The following PTPRD variants were observed in gnomAD, a reference collection of about 807,000 sequenced individuals.
The protein encoded by PTPRD is receptor-type tyrosine-protein phosphatase delta.
In PTPRD, 34 loss-of-function variants were observed where a neutral mutation model predicts 214.5. The observed-to-expected ratio is 0.16, with a 90% CI of 0.12 to 0.21. The LOEUF is 0.21. PTPRD is among the 10% of genes least tolerant of loss of function. The pLI is 1.00. For missense variants in PTPRD, 2,545 were observed against 2,398.7 expected, an observed-to-expected ratio of 1.06 and a Z score of -1.27; for synonymous variants, 1,128 against 845.7, an observed-to-expected ratio of 1.33 and a Z score of -5.79.
intron 6 of PTPRD, among the ~76,000 whole-genome samples, chr9:9,743,462 G>T (rs115354405): frequency 2.4e-3 from 369 of 152,106 alleles, no homozygotes; most frequent in African/African-American, 8.6e-3. Context: ...TTCCTATGAA[G>T]GCACCTAGGT....
At chr9:8,512,154 G>A (rs1173735402) in intron 21 of PTPRD, among the ~76,000 whole-genome samples, 1 of 152,024 alleles carries the variant, frequency 6.6e-6, no homozygotes, top group Non-Finnish European at 1.5e-5. Context: ...GTTTTAAAAT[G>A]TGTGTATCTA....
chr9:8,619,703 C>A (rs956323872), intron 14 of PTPRD, among the ~76,000 whole-genome samples: 2 of 151,808 alleles, frequency 1.3e-5, no homozygotes, highest in African/African-American at 2.4e-5. Flanking sequence ...AGGACGATGA[C>A]TAAATAAATC....
intron 4 of PTPRD, among the ~76,000 whole-genome samples, chr9:9,964,498 G>T (rs369691551): frequency 1.3e-5 from 2 of 152,070 alleles, no homozygotes; most frequent in African/African-American, 2.4e-5. Flanking sequence ...AGTTTCCTTC[G>T]CAGGAAAAAA....
chr9:9,883,323 T>G (rs2069490566), intron 5 of PTPRD, among the ~76,000 whole-genome samples: 1 of 152,158 alleles, frequency 6.6e-6, no homozygotes, highest in African/African-American at 2.4e-5. Flanking sequence ...ATTTCTTTAT[T>G]CTGAGAGAAA....
intron 21 of PTPRD, among the ~76,000 whole-genome samples, chr9:8,508,220 AACAG>A (rs1170057351): frequency 2.0e-5 from 3 of 152,248 alleles, no homozygotes; most frequent in Non-Finnish European, 4.4e-5. Context: ...TCATCTATTC[AACAG>A]ACAATTTGGA....
chr9:9,400,902 G>T (rs574982551), intron 8 of PTPRD, among the ~76,000 whole-genome samples: 5 of 151,970 alleles, frequency 3.3e-5, no homozygotes, highest in African/African-American at 9.6e-5. Flanking sequence ...CTCCATATTC[G>T]ACCATTTAAT....
At chr9:10,477,496 G>T (rs1011878802) in intron 2 of PTPRD, among the ~76,000 whole-genome samples, 3 of 152,164 alleles carry the variant, frequency 2.0e-5, no homozygotes, top group Admixed American at 6.5e-5. Context: ...TGTTGAAGAG[G>T]ATGTGGAGAA....
At chr9:9,009,559 C>A (rs185713669) in intron 11 of PTPRD, among the ~76,000 whole-genome samples, 64 of 151,388 alleles carry the variant, frequency 4.2e-4, no homozygotes, top group Admixed American at 1.3e-3. Context: ...AGATAAGAAG[C>A]AAGTTGGTAT....
chr9:8,521,292 G>C lies in PTPRD; in HGVS notation c.946C>G (p.Gln316Glu). 6.2e-7 allele frequency: 1 copy of C among 1,613,326 alleles called. No individual in the cohort carries two copies. The highest frequency in any genetic ancestry group is 1.7e-5 in the Admixed American group (1 of 59,994). The change falls in exon 20 of 46, where the codon CAG becomes GAG. Residue 316 changes from glutamine (Q) to glutamate (E), a missense_variant. Coordinates refer to ENST00000381196, the MANE Select transcript of PTPRD (RefSeq NM_002839.4). ...STLGVIEAIAQITVKALPKPP... is the reference protein window; with the variant it reads ...STLGVIEAIAEITVKALPKPP... The stretch of plus-strand genomic sequence containing the variant: ...TTGAGCATACCTTTGACAGTGATCT[G>C]TGCTATTGCTTCAATGACACCCAGT...
intron 12 of PTPRD, among the ~76,000 whole-genome samples, chr9:8,643,516 C>A (rs1347116385): frequency 1.3e-5 from 2 of 152,322 alleles, no homozygotes; most frequent in South Asian, 4.1e-4. Context: ...GCGGCCACTG[C>A]CCTCACACTG....
intron 11 of PTPRD, among the ~76,000 whole-genome samples, chr9:8,960,588 T>C (rs572790586): frequency 6.6e-5 from 10 of 152,242 alleles, no homozygotes; most frequent in African/African-American, 1.7e-4. Context: ...TATTGAAGTA[T>C]TGAAGAAAGC....
intron 9 of PTPRD, among the ~76,000 whole-genome samples, chr9:9,225,323 C>G (rs1173830234): frequency 6.6e-6 from 1 of 151,840 alleles, no homozygotes; most frequent in Non-Finnish European, 1.5e-5. Flanking sequence ...CAGAAATTAC[C>G]TGAACAGTTT....
At chr9:8,555,409 T>C (rs1334474969) in intron 14 of PTPRD, among the ~76,000 whole-genome samples, 1 of 151,980 alleles carries the variant, frequency 6.6e-6, no homozygotes, top group African/African-American at 2.4e-5. Context: ...CCAAAAAGAC[T>C]AAAAGGGAGT....
At chr9:10,578,416 G>A (rs2070361326) in intron 2 of PTPRD, among the ~76,000 whole-genome samples, 2 of 151,560 alleles carry the variant, frequency 1.3e-5, no homozygotes, top group South Asian at 4.2e-4. Flanking sequence ...TTTATTTTAG[G>A]GGTTCTTACA....
chr9:8,502,454 G>C (rs1489327135), intron 23 of PTPRD, among the ~76,000 whole-genome samples: 2 of 151,978 alleles, frequency 1.3e-5, no homozygotes, highest in Non-Finnish European at 2.9e-5. Context: ...TACGTGCCTT[G>C]TGTTCATTAT....
intron 2 of PTPRD, among the ~76,000 whole-genome samples, chr9:10,568,729 C>G (rs1049258618): frequency 3.9e-5 from 6 of 152,088 alleles, no homozygotes; most frequent in Admixed American, 1.3e-4. Context: ...ATGTAGAAAG[C>G]TAAAACTGGA....
intron 35 of PTPRD, among the ~76,000 whole-genome samples, chr9:8,410,274 A>G (rs2093409676): frequency 6.6e-6 from 1 of 152,224 alleles, no homozygotes; most frequent in South Asian, 2.1e-4. Flanking sequence ...TGTTTTAGAA[A>G]CTGAAATGTG....
chr9:9,058,240 A>C (rs2099699907), intron 10 of PTPRD, among the ~76,000 whole-genome samples: 1 of 152,048 alleles, frequency 6.6e-6, no homozygotes, highest in Non-Finnish European at 1.5e-5. Flanking sequence ...TTCACCTATC[A>C]ACCGAGAGAA....
intron 6 of PTPRD, among the ~76,000 whole-genome samples, chr9:9,752,225 T>G (rs1353631787): frequency 6.6e-6 from 1 of 152,096 alleles, no homozygotes; most frequent in Non-Finnish European, 1.5e-5. Context: ...CTATGCCATT[T>G]TGGCCCCTAT....
Sources: allele counts gnomAD v4.1 joint callset (sites outside exome capture counted in the v4.1 genomes callset), GRCh38; gene constraint gnomAD v4.1.1; transcripts MANE v1.5; gene names NCBI Gene and HGNC (gene_info 2026-07-23, HGNC 2026-07-21).